The following OPCML variants were observed in gnomAD, a reference collection of about 807,000 sequenced individuals.
OPCML encodes opioid binding protein/cell adhesion molecule like.
A neutral mutation model predicts 37.8 loss-of-function variants in OPCML; 13 were observed. The observed-to-expected ratio is 0.34, with a 90% confidence interval of 0.22 to 0.55. The LOEUF is 0.55. OPCML is among the 20% of genes least tolerant of loss of function. The pLI, the probability that OPCML is intolerant of heterozygous loss-of-function variation, is 0.91. For missense variants in OPCML, 341 were observed against 435.6 expected (o/e 0.78, Z 1.93); for synonymous variants, 176 against 168.8 (o/e 1.04, Z -0.33).
chr11:132,709,728 A>C (rs1261279035), intron 2 of OPCML, among the ~76,000 whole-genome samples: 1 of 152,186 alleles, frequency 6.6e-6, no homozygotes, highest in East Asian at 1.9e-4. Flanking sequence ...TACAGCCCGC[A>C]CTCAAAGGGA....
At chr11:133,214,130 T>C (rs1331603555) in intron 1 of OPCML, among the ~76,000 whole-genome samples, 1 of 152,128 alleles carries the variant, frequency 6.6e-6, no homozygotes, top group Non-Finnish European at 1.5e-5. Flanking sequence ...GGGTAAAATA[T>C]ACTATAAAGA....
rs193223353 is a variant in OPCML at position 132,559,112 on chromosome 11, A to G, written c.380-29926T>C. ...AAAAAAATAAGAAAGAGGCAAGGGG[A>G]GAGAGAAAAAGGACAAAGAAGAAAA... On this transcript the variant is annotated intron_variant, in intron 3 of 7. Transcript: ENST00000524381. Among the ~76,000 whole-genome samples, 79 of 152,198 alleles carry G rather than the reference A, an allele frequency of 5.2e-4. 1 individual carries two copies. The highest frequency in any genetic ancestry group is 3.4e-3 in the Middle Eastern group (1 of 294).
intron 1 of OPCML, among the ~76,000 whole-genome samples, chr11:132,963,371 C>A (rs1946135007): frequency 6.6e-6 from 1 of 151,968 alleles, no homozygotes; most frequent in South Asian, 2.1e-4. Context: ...GTGGGCGGAT[C>A]ACGAGGTCAG....
intron 1 of OPCML, among the ~76,000 whole-genome samples, chr11:132,962,696 C>A (rs768096031): frequency 5.3e-5 from 8 of 152,302 alleles, no homozygotes; most frequent in Non-Finnish European, 5.9e-5. Context: ...TCTGTACCAT[C>A]CCCACCTTGG....
intron 1 of OPCML, among the ~76,000 whole-genome samples, chr11:133,509,541 C>G (rs1948108956): frequency 1.3e-5 from 2 of 152,144 alleles, no homozygotes; most frequent in Non-Finnish European, 2.9e-5. Context: ...GCGGTGGTGG[C>G]AATGCTGTTC....
chr11:132,922,843 T>C (rs1944853037), intron 2 of OPCML, among the ~76,000 whole-genome samples: 1 of 151,778 alleles, frequency 6.6e-6, no homozygotes, highest in African/African-American at 2.4e-5. Flanking sequence ...GAGGCTGAGG[T>C]GGAAGGATCT....
chr11:132,694,572 T>C (rs958634435), intron 2 of OPCML, among the ~76,000 whole-genome samples: 1 of 152,172 alleles, frequency 6.6e-6, no homozygotes, highest in East Asian at 1.9e-4. Flanking sequence ...AAAGAAGATA[T>C]AAAAAATGAA....
chr11:132,547,747 GA>G lies in OPCML; in HGVS notation c.380-18562del, dbSNP rs549150559. Among the ~76,000 whole-genome samples, 132 of 151,732 alleles carry G rather than the reference GA, an allele frequency of 8.7e-4. 2 individuals are homozygous for G. In the Middle Eastern group the frequency reaches 0.014, roughly 16 times the overall value. On this transcript the variant is annotated intron_variant, in intron 3 of 7. Transcript: ENST00000524381. Reference sequence around the variant, plus strand: ...ACACCTCCATCAAGGGGGTGGAGGGGAAAAAAAAGTCTCCATCAAGAATGTT... The same window carrying G: ...ACACCTCCATCAAGGGGGTGGAGGGGAAAAAAAGTCTCCATCAAGAATGTT...
At chr11:132,785,104 C>T (rs1947163753) in intron 2 of OPCML, among the ~76,000 whole-genome samples, 1 of 152,144 alleles carries the variant, frequency 6.6e-6, no homozygotes, top group East Asian at 1.9e-4. Context: ...AAAATAATTT[C>T]TACCTATATT....
chr11:133,135,115 T>C (rs1363629796), intron 1 of OPCML, among the ~76,000 whole-genome samples: 4 of 152,210 alleles, frequency 2.6e-5, no homozygotes, highest in Non-Finnish European at 5.9e-5. Context: ...CTGGTTAGCA[T>C]ATCTTGCTTT....
At chr11:133,458,861 A>ATATACACATAGATGCACGTGTGTGTG (rs1946790050) in intron 1 of OPCML, among the ~76,000 whole-genome samples, 1 of 143,928 alleles carries the variant, frequency 6.9e-6, no homozygotes, top group Non-Finnish European at 1.5e-5. Flanking sequence ...GTGTGTGTGT[A>ATATACACATAGATGCACGTGTGTGTG]TATATACACA....
chr11:133,116,073 A>G (rs943661082), intron 1 of OPCML, among the ~76,000 whole-genome samples: 5 of 152,164 alleles, frequency 3.3e-5, no homozygotes, highest in Non-Finnish European at 5.9e-5. Flanking sequence ...GGGTTCAAGC[A>G]GCTCTCTGCC....
At chr11:132,780,008 C>T (rs969382580) in intron 2 of OPCML, among the ~76,000 whole-genome samples, 1 of 152,078 alleles carries the variant, frequency 6.6e-6, no homozygotes, top group Non-Finnish European at 1.5e-5. Flanking sequence ...TGACATAGAT[C>T]ACATAGTGTG....
At chr11:132,941,280 A>C (rs539647704) in intron 2 of OPCML, among the ~76,000 whole-genome samples, 66 of 152,240 alleles carry the variant, frequency 4.3e-4, no homozygotes, top group African/African-American at 1.5e-3. Flanking sequence ...CAGAAAGCTC[A>C]AGTTTTGAAG....
At chr11:132,588,818 C>T (rs564685421) in intron 3 of OPCML, among the ~76,000 whole-genome samples, 26 of 152,270 alleles carry the variant, frequency 1.7e-4, no homozygotes, top group Non-Finnish European at 2.5e-4. Context: ...TCTTTCTGTC[C>T]GGTTCTGCCT....
At chr11:133,189,473 T>C (rs1357672682) in intron 1 of OPCML, among the ~76,000 whole-genome samples, 1 of 152,212 alleles carries the variant, frequency 6.6e-6, no homozygotes, top group Admixed American at 6.5e-5. Context: ...TTAGGAAGTA[T>C]TGTATATTGG....
chr11:133,412,921 C>A (rs958231773), intron 1 of OPCML, among the ~76,000 whole-genome samples: 2 of 152,158 alleles, frequency 1.3e-5, no homozygotes, highest in Non-Finnish European at 2.9e-5. Flanking sequence ...CCCTTAGATG[C>A]TTAAAATATC....
intron 2 of OPCML, among the ~76,000 whole-genome samples, chr11:132,836,308 C>CT (rs1270947443): frequency 1.3e-5 from 2 of 152,126 alleles, no homozygotes; most frequent in East Asian, 3.9e-4. Context: ...ACCCTGCCTG[C>CT]TCAGCATTAT....
chr11:133,021,553 G>A (rs1947452517), intron 1 of OPCML, among the ~76,000 whole-genome samples: 1 of 152,124 alleles, frequency 6.6e-6, no homozygotes, highest in African/African-American at 2.4e-5. Flanking sequence ...CAAGTGGGCA[G>A]GGAGTACACG....
Sources: gnomAD v4.1 joint callset for allele counts (sites outside exome capture counted in the v4.1 genomes callset) on GRCh38, gnomAD v4.1.1 for gene constraint, MANE v1.5 for transcripts, NCBI Gene and HGNC (gene_info 2026-07-23, HGNC 2026-07-21) for gene names.